Variants in C2CD5 observed in about 807,000 individuals in gnomAD.
The protein encoded by C2CD5 is C2 domain-containing protein 5.
In C2CD5, 109 loss-of-function variants were observed where a neutral mutation model predicts 130.3. The ratio of observed to expected loss-of-function variants is 0.84; its 90% CI spans 0.72 to 0.98. The LOEUF (loss-of-function observed/expected upper bound fraction) is 0.98. Ranked by LOEUF, C2CD5 falls within the 50% of genes least tolerant of loss-of-function variation. The pLI, the probability that C2CD5 is intolerant of heterozygous loss-of-function variation, is 0.00. For synonymous variants in C2CD5, 454 were observed against 429.2 expected (o/e 1.06, Z -0.71); for missense variants, 996 against 1,261.8 (o/e 0.79, Z 3.19).
At chr12:22,458,727 G>A (rs1019973235) in intron 23 of C2CD5, 142 bp from the exon 24 acceptor site, 1 of 381,976 alleles carries the variant, frequency 2.6e-6, no homozygotes. Context: ...TCAGATAAGA[G>A]AGATAGTAAA....
In C2CD5 at chr12:22,482,914, TAAA is replaced by T. The variant is rs1944930227; in HGVS notation, c.1551-174_1551-172del. Among the ~76,000 whole-genome samples the T allele has an allele frequency of 2.0e-5, 3 of 152,166 alleles. No individual in the cohort carries two copies. The South Asian group carries it at 6.2e-4, about 31-fold the overall frequency. Reference sequence around the variant, plus strand: ...TTTTTGTCATTGTATAAACTTGCACTAAAAATCCTATTTCATAACAGGTACAAA... The same window carrying T: ...TTTTTGTCATTGTATAAACTTGCACTAATCCTATTTCATAACAGGTACAAA... On this transcript the variant is annotated intron_variant, in intron 13 of 26. Coordinates refer to ENST00000446597, the MANE Select transcript of C2CD5 (RefSeq NM_001286176.2).
At position 22,515,226 on chromosome 12, in the gene C2CD5, T is replaced by C. The variant is rs1055214024; in HGVS notation, c.953-1847A>G. On this transcript the variant is annotated intron_variant, in intron 8 of 26. Transcript: ENST00000446597. ...AAATGCAGGCTAAGGAAAGCAATGA[T>C]GAGGCAAAATATAACAATAAAAATG... 13 of 481,472 alleles carry C rather than the reference T, an allele frequency of 2.7e-5. No homozygotes were observed. The African/African-American group carries it at 2.7e-4, about 10-fold the overall frequency. 29.8% of individuals were successfully genotyped at this position (481,472 alleles called of 1,614,324 possible).
intron 10 of C2CD5, among the ~76,000 whole-genome samples, chr12:22,496,273 G>C (rs1296683524): frequency 6.6e-6 from 1 of 151,934 alleles, no homozygotes; most frequent in South Asian, 2.1e-4. Context: ...CCCTATAATA[G>C]AATGTTTAAG....
intron 9 of C2CD5, among the ~76,000 whole-genome samples, chr12:22,511,832 A>T (rs1257492724): frequency 6.6e-6 from 1 of 152,162 alleles, no homozygotes; most frequent in East Asian, 1.9e-4. Flanking sequence ...TTTTCTGTTG[A>T]TGTGAATTCC....
rs576773909 is a variant in C2CD5, at chr12:22,461,957, A to T, written c.2534-2415T>A. Among the ~76,000 whole-genome samples, 32 of 141,050 alleles carry T rather than the reference A, an allele frequency of 2.3e-4. No homozygotes were observed. The South Asian group carries it at 6.8e-3, about 30-fold the overall frequency. The allele number at this position is 141,050 out of a possible 152,430, so 92.5% of individuals were successfully genotyped here. The stretch of plus-strand genomic sequence containing the variant: ...CAGCTGGTCCCAGCAGCAGATAGAC[A>T]TCAGCACCTGGACTGGTTTGAATAC... On this transcript the variant is annotated intron_variant, in intron 22 of 26. Coordinates refer to ENST00000446597, the MANE Select transcript of C2CD5 (RefSeq NM_001286176.2).
chr12:22,530,063 A>C (rs187045842), intron 3 of C2CD5, among the ~76,000 whole-genome samples: 7 of 139,984 alleles, frequency 5.0e-5, no homozygotes, highest in Non-Finnish European at 1.1e-4. Flanking sequence ...TGCTTAAGAC[A>C]TGTATTTGAG....
At chr12:22,542,540 T>C (rs948438239) in intron 2 of C2CD5, among the ~76,000 whole-genome samples, 1 of 152,276 alleles carries the variant, frequency 6.6e-6, no homozygotes, top group Non-Finnish European at 1.5e-5. Context: ...AGTCTATGCC[T>C]TTGCCTTTGA....
At chr12:22,500,185 A>C (rs1218724130) in intron 10 of C2CD5, among the ~76,000 whole-genome samples, 1 of 152,146 alleles carries the variant, frequency 6.6e-6, no homozygotes, top group African/African-American at 2.4e-5. Context: ...TTCCATCTCC[A>C]AAACAAAAAA....
intron 12 of C2CD5, among the ~76,000 whole-genome samples, chr12:22,489,884 G>A (rs1459210706): frequency 6.6e-6 from 1 of 152,018 alleles, no homozygotes; most frequent in Non-Finnish European, 1.5e-5. Flanking sequence ...TCTTCAACTG[G>A]TAATCATACA....
rs753036958 is a variant in C2CD5, at chr12:22,523,635, T to C, written c.602-11A>G. The stretch of plus-strand genomic sequence containing the variant: ...TCCTCTGCAGCTCACCTACAAAACA[T>C]GGGAAATCTCATTCTTGCTTTGTAG... On this transcript the variant is annotated splice_polypyrimidine_tract_variant and intron_variant, in intron 6 of 26. Coordinates refer to ENST00000446597, the MANE Select transcript of C2CD5 (RefSeq NM_001286176.2). 3 of 1,603,810 alleles carry C rather than the reference T, an allele frequency of 1.9e-6. No individual in the cohort carries two copies. Among genetic ancestry groups the C allele is most frequent in the South Asian group, 1.1e-5 (1 of 90,892 alleles).
intron 2 of C2CD5, among the ~76,000 whole-genome samples, chr12:22,540,915 C>T (rs1295124131): frequency 2.0e-5 from 3 of 152,068 alleles, no homozygotes; most frequent in African/African-American, 7.2e-5. Flanking sequence ...ATAGTTAAAC[C>T]GTGGTACTGA....
Position 22,458,502 on chromosome 12 carries a change from G to A in C2CD5, c.2668C>T (p.Arg890Cys), listed in dbSNP as rs1371629677. 6 of 1,281,802 alleles carry A rather than the reference G, an allele frequency of 4.7e-6. No homozygotes were observed. The highest frequency in any genetic ancestry group is 3.1e-5 in the African/African-American group (2 of 65,556). 79.4% of individuals were successfully genotyped at this position (1,281,802 alleles called of 1,614,324 possible). A position where few individuals can be genotyped will look rare whatever the true frequency, so the allele number is the denominator to read the frequency against. ...CGCCTACTTGTCTTAATTGATCCAC[G>A]CCTTATGGTCTGAGCTTTCAGTTTA... ...LIKLKAQTIR[R>C]GSIKTTMTVE... Residue 890 changes from arginine (R) to cysteine (C), a missense_variant, in exon 24 of 27, where the codon CGT becomes TGT. By Grantham distance (180) the Arg-to-Cys change is radical. Around this residue, in one of 9 missense-constraint regions of C2CD5, gnomAD observed 590 missense variants for 631.4 expected, o/e 0.93. Transcript: ENST00000446597.
chr12:22,540,998 G>A (rs1292715583), intron 2 of C2CD5, among the ~76,000 whole-genome samples: 1 of 152,166 alleles, frequency 6.6e-6, no homozygotes, highest in African/African-American at 2.4e-5. Flanking sequence ...CAAAATACCA[G>A]CTATCTAAAG....
rs1950565659 is a variant in C2CD5, at chr12:22,524,531, C to T, written c.542G>A (p.Arg181Gln). ...NEDPEYQWID[R>Q]IRTPRASNEA... ...ATTTGATGCCCTTGGTGTGCGAATT[C>T]GATCAATCCACTGATATTCTGGGTC... Residue 181 changes from arginine (R) to glutamine (Q), a missense_variant, in exon 6 of 27, where the codon CGA becomes CAA. By Grantham distance (43) the Arg-to-Gln change is conservative. Coordinates refer to ENST00000446597, the MANE Select transcript of C2CD5 (RefSeq NM_001286176.2). 1 of 1,613,666 alleles carries T rather than the reference C, an allele frequency of 6.2e-7. No individual in the cohort carries two copies. Among genetic ancestry groups the T allele is most frequent in the African/African-American group, 1.3e-5 (1 of 74,872 alleles).
intron 7 of C2CD5, chr12:22,519,082 C>G: frequency 6.6e-7 from 1 of 1,521,158 alleles, no homozygotes; most frequent in Non-Finnish European, 8.8e-7. Flanking sequence ...TGGCCTGCAT[C>G]TCCCCAGCTC....
At chr12:22,537,151 T>C (rs1010093251) in intron 2 of C2CD5, among the ~76,000 whole-genome samples, 8 of 152,214 alleles carry the variant, frequency 5.3e-5, no homozygotes, top group African/African-American at 1.9e-4. Flanking sequence ...ACTATAACAG[T>C]TGTGCTATAC....
chr12:22,462,041 G>A (rs1941267500), intron 22 of C2CD5, among the ~76,000 whole-genome samples: 1 of 152,176 alleles, frequency 6.6e-6, no homozygotes, highest in Admixed American at 6.6e-5. Flanking sequence ...TCAGAGTTTG[G>A]CTTCCCAGGT....
intron 8 of C2CD5, among the ~76,000 whole-genome samples, chr12:22,513,997 ATG>A (rs1416958727): frequency 6.6e-6 from 1 of 152,216 alleles, no homozygotes; most frequent in African/African-American, 2.4e-5. Context: ...AACCACAGAC[ATG>A]TAATAGACAC....
In C2CD5 at chr12:22,544,393, T is replaced by G. The variant is rs913682241; in HGVS notation, c.-103A>C. On this transcript the variant is annotated 5_prime_UTR_variant, in exon 1 of 27. Transcript: ENST00000446597. Reference sequence around the variant, plus strand: ...CCGGAGAGGCGGCGGGAGGAAGGGCTTTGATGGGTTCTTCCGTCCCGGCCC... The same window carrying G: ...CCGGAGAGGCGGCGGGAGGAAGGGCGTTGATGGGTTCTTCCGTCCCGGCCC... 2 of 410,666 alleles carry G rather than the reference T, an allele frequency of 4.9e-6. No homozygotes were observed. The highest frequency in any genetic ancestry group is 4.3e-5 in the African/African-American group (2 of 46,674). 25.4% of individuals were successfully genotyped at this position (410,666 alleles called of 1,614,324 possible).
Sources: allele counts gnomAD v4.1 joint callset (sites outside exome capture counted in the v4.1 genomes callset), GRCh38; gene constraint gnomAD v4.1.1; regional missense constraint gnomAD v4.1.1; transcripts MANE v1.5; gene names NCBI Gene and HGNC (gene_info 2026-07-23, HGNC 2026-07-21).